CLCA4: variants seen among roughly 807,000 people sequenced by gnomAD.
CLCA4 encodes the protein chloride channel accessory 4.
Under a neutral mutation model 78.9 loss-of-function variants are expected in CLCA4, and 69 were observed. That is an observed-to-expected ratio of 0.87 (90% CI 0.72 to 1.07). The LOEUF is 1.07. Among genes scored for constraint, CLCA4 ranks in the 50% least tolerant of loss-of-function variants. The pLI, the probability that CLCA4 is intolerant of heterozygous loss-of-function variation, is 0.00. For missense variants in CLCA4, 1,133 were observed against 1,095.8 expected (o/e 1.03, Z -0.48); for synonymous variants, 362 against 375.8 (o/e 0.96, Z 0.42).
intron 3 of CLCA4, among the ~76,000 whole-genome samples, chr1:86,562,814 A>T (rs188906852): frequency 6.7e-6 from 1 of 149,780 alleles, no homozygotes; most frequent in African/African-American, 2.5e-5. Flanking sequence ...AGATCGCGCC[A>T]TTGCACTCCA....
At chr1:86,574,284 G>T (rs139814978) in intron 9 of CLCA4, among the ~76,000 whole-genome samples, 71 of 151,930 alleles carry the variant, frequency 4.7e-4, no homozygotes, top group African/African-American at 1.6e-3. Flanking sequence ...CAAGACAACC[G>T]GGAAAAAAAC....
At chr1:86,571,715 C>G (rs2892934) in intron 8 of CLCA4, among the ~76,000 whole-genome samples, 1 of 151,826 alleles carries the variant, frequency 6.6e-6, no homozygotes, top group African/African-American at 2.4e-5. Context: ...CCCCATGAGA[C>G]CAGAGCATAA....
chr1:86,547,574 A>T lies in CLCA4; in HGVS notation c.159+296A>T, dbSNP rs535639063. ...TACTAGAACTTATTCTGTCTACATA[A>T]CTGTGCTTTTGTACACATTGACAAA... On this transcript the variant is annotated intron_variant, in intron 1 of 13. Coordinates refer to ENST00000370563, the MANE Select transcript of CLCA4 (RefSeq NM_012128.4). Among the ~76,000 whole-genome samples, 5 of 152,252 alleles carry T rather than the reference A, an allele frequency of 3.3e-5. No individual in the cohort carries two copies. The East Asian group carries it at 9.7e-4, about 29-fold the overall frequency.
chr1:86,548,018 C>T (rs1649548644), intron 1 of CLCA4, among the ~76,000 whole-genome samples: 2 of 152,136 alleles, frequency 1.3e-5, no homozygotes, highest in Non-Finnish European at 1.5e-5. Context: ...TTTTGAAGAA[C>T]CTCCATACTG....
At chr1:86,577,272 A>G (rs1198794434) in intron 11 of CLCA4, among the ~76,000 whole-genome samples, 3 of 152,122 alleles carry the variant, frequency 2.0e-5, no homozygotes. Flanking sequence ...GGTATTAGTG[A>G]TTAACAATGA....
intron 1 of CLCA4, among the ~76,000 whole-genome samples, chr1:86,556,352 C>T (rs372997569): frequency 6.6e-6 from 1 of 152,130 alleles, no homozygotes; most frequent in South Asian, 2.1e-4. Context: ...TCATAGATGG[C>T]TCTCATTATT....
At chr1:86,572,315 G>T (rs1454828510) in intron 8 of CLCA4, among the ~76,000 whole-genome samples, 1 of 151,996 alleles carries the variant, frequency 6.6e-6, no homozygotes, top group Non-Finnish European at 1.5e-5. Context: ...CTCTAAAAGG[G>T]CTGTGTAAAG....
intron 1 of CLCA4, chr1:86,552,991 C>T: frequency 3.2e-6 from 2 of 622,844 alleles, no homozygotes; most frequent in Admixed American, 2.7e-5. Flanking sequence ...CTGTGCGTGG[C>T]CGTCTCCCAA....
chr1:86,565,931 G>A lies in CLCA4; in HGVS notation c.865G>A (p.Val289Met), dbSNP rs1650176208. The change falls in exon 6 of 14, where the codon GTG (valine) becomes ATG (methionine). Residue 289 changes from valine to methionine, a missense_variant. Coordinates refer to ENST00000370563, the MANE Select transcript of CLCA4 (RefSeq NM_012128.4). ...GGATTTTAAAAACACCATACCCATG[G>A]TGACACCACCTCCTCCACCTGTCTT... ...SEDFKNTIPM[V>M]TPPPPPVFSL... 4 of 1,613,334 alleles carry A rather than the reference G, an allele frequency of 2.5e-6. No individual in the cohort carries two copies. Among genetic ancestry groups the A allele is most frequent in the Admixed American group, 1.7e-5 (1 of 59,980 alleles).
chr1:86,567,230 T>A (rs77551288), intron 6 of CLCA4, among the ~76,000 whole-genome samples, 194 bp from the exon 7 acceptor site: 2 of 151,978 alleles, frequency 1.3e-5, no homozygotes, highest in African/African-American at 4.8e-5. Context: ...CACTCCTTAC[T>A]ATACGTGTCC....
At chr1:86,547,390 A>T (rs1245559682) in intron 1 of CLCA4, 112 bp downstream of exon 1, 15 of 788,338 alleles carry the variant, frequency 1.9e-5, no homozygotes, top group Non-Finnish European at 2.4e-5. Context: ...CTATACATGT[A>T]TACAATTTGT....
At chr1:86,572,942 A>G (rs1650398328) in intron 9 of CLCA4, 2 of 515,376 alleles carry the variant, frequency 3.9e-6, no homozygotes, top group South Asian at 2.2e-5. Context: ...TTCTTTTCCT[A>G]TTGCCATGGG....
At chr1:86,562,070 TAC>T (rs767156723) in intron 3 of CLCA4, among the ~76,000 whole-genome samples, 6 of 151,722 alleles carry the variant, frequency 4.0e-5, no homozygotes, top group Admixed American at 3.9e-4. Context: ...ATATTAAAAG[TAC>T]ACACACACAC....
chr1:86,579,540 T>C lies in CLCA4; in HGVS notation c.2309T>C (p.Ile770Thr), dbSNP rs200277613. ...GATGCCACAGTTCATGAGGATAAGA[T>C]TATTCTTACATGGACAGCACCAGGA... Reference protein sequence around the residue: ...DLDATVHEDKIILTWTAPGDN... With the variant: ...DLDATVHEDKTILTWTAPGDN... The change falls in exon 13 of 14, where the codon ATT (isoleucine) becomes ACT (threonine). Residue 770 changes from isoleucine to threonine, a missense_variant. Transcript: ENST00000370563. The C allele has an allele frequency of 1.2e-6, 2 of 1,613,134 alleles. No individual in the cohort carries two copies. The highest frequency in any genetic ancestry group is 4.5e-5 in the East Asian group (2 of 44,826).
Position 86,574,553 on chromosome 1 carries a change from G to T in CLCA4, c.1481G>T (p.Gly494Val). The T allele has an allele frequency of 6.2e-7, 1 of 1,611,804 alleles. No homozygotes were observed. The part of the protein sequence containing the change: ...SQKSLQLESK[G>V]LTLNSNAWMN... ...CTATTTAAACAGCTCGAAAGTAAGGGATTAACACTGAATAGTAATGCCTGG... is the reference window on the plus strand; with the variant it reads ...CTATTTAAACAGCTCGAAAGTAAGGTATTAACACTGAATAGTAATGCCTGG... Residue 494 changes from glycine (G) to valine (V), a missense_variant, in exon 10 of 14, where the codon GGA becomes GTA. Coordinates refer to ENST00000370563, the MANE Select transcript of CLCA4 (RefSeq NM_012128.4).
intron 8 of CLCA4, chr1:86,571,538 A>G (rs904526307): frequency 1.3e-5 from 3 of 229,432 alleles, no homozygotes; most frequent in African/African-American, 2.2e-5. Flanking sequence ...AGTTGTATAG[A>G]GCCAGGGAAA....
intron 13 of CLCA4, 51 bp downstream of exon 13, chr1:86,579,638 C>CA: frequency 5.0e-6 from 3 of 604,074 alleles, no homozygotes; most frequent in Non-Finnish European, 9.4e-6. Flanking sequence ...GTGCTAATTG[C>CA]AAAAACAGGG....
In CLCA4 at chr1:86,552,784, G is replaced by A. The variant is rs184795365; in HGVS notation, c.159+5506G>A. 3,671 of 1,314,702 alleles carry A rather than the reference G, an allele frequency of 2.8e-3. 28 individuals carry two copies. Among genetic ancestry groups the A allele is most frequent in the South Asian group, 0.011 (972 of 84,926 alleles). The allele number at this position is 1,314,702 out of a possible 1,614,324, so 81.4% of individuals were successfully genotyped here. On this transcript the variant is annotated intron_variant, in intron 1 of 13. Coordinates refer to ENST00000370563, the MANE Select transcript of CLCA4 (RefSeq NM_012128.4). ...CAGTACTGTGTCCAGGTTGTAGTAG[G>A]GGCTGTCCACGCCTGAAAACAGCTC...
Position 86,547,151 on chromosome 1 carries a change from T to C in CLCA4, c.32T>C (p.Leu11Ser). The change falls in exon 1 of 14, where the codon TTA becomes TCA. Residue 11 changes from leucine (L) to serine (S), a missense_variant. By Grantham distance (145) the Leu-to-Ser change is moderately radical. Coordinates refer to ENST00000370563, the MANE Select transcript of CLCA4 (RefSeq NM_012128.4). MGLFRGFVFL[L>S]VLCLLHQSNT... Reference sequence around the variant, plus strand: ...TTATTCAGAGGTTTTGTTTTCCTCTTAGTTCTGTGCCTGCTGCACCAGTCA... The same window carrying C: ...TTATTCAGAGGTTTTGTTTTCCTCTCAGTTCTGTGCCTGCTGCACCAGTCA... The C allele has an allele frequency of 6.2e-7, 1 of 1,608,488 alleles. No homozygotes were observed. Among genetic ancestry groups the C allele is most frequent in the Non-Finnish European group, 8.5e-7 (1 of 1,178,568 alleles).
Sources: allele counts gnomAD v4.1 joint callset (sites outside exome capture counted in the v4.1 genomes callset), GRCh38; gene constraint gnomAD v4.1.1; transcripts MANE v1.5; gene names NCBI Gene and HGNC (gene_info 2026-07-23, HGNC 2026-07-21).